ASAP3: variants seen among roughly 807,000 people sequenced by gnomAD.
ASAP3 encodes the protein ArfGAP with SH3 domain, ankyrin repeat and PH domain 3, also known as arf-GAP with SH3 domain, ANK repeat and PH domain-containing protein 3.
Under a neutral mutation model 118.2 loss-of-function variants are expected in ASAP3, and 85 were observed. The ratio of observed to expected loss-of-function variants is 0.72; its 90% confidence interval spans 0.60 to 0.86. The LOEUF (loss-of-function observed/expected upper bound fraction) is 0.86, where lower values mean the gene tolerates loss of function less well. Ranked by LOEUF, ASAP3 falls within the 40% of genes least tolerant of loss-of-function variation. The probability of loss-of-function intolerance (pLI) is 0.00; values close to 1 mark genes in which losing one functional copy is unlikely to be tolerated. For missense variants in ASAP3, 1,026 were observed against 1,175.0 expected, an observed-to-expected ratio of 0.87 and a Z score of 1.85; for synonymous variants, 432 against 477.4, an observed-to-expected ratio of 0.90 and a Z score of 1.24.
chr1:23,440,990 C>A, intron 10 of ASAP3, 112 bp downstream of exon 10: 2 of 979,534 alleles, frequency 2.0e-6, no homozygotes, highest in Non-Finnish European at 3.1e-6. Flanking sequence ...TACATTGCAA[C>A]CCTCGGTGTC....
chr1:23,431,349 T>A (rs909115874), intron 23 of ASAP3, among the ~76,000 whole-genome samples: 1 of 152,034 alleles, frequency 6.6e-6, no homozygotes, highest in South Asian at 2.1e-4. Flanking sequence ...CCAGACTGAA[T>A]GGGTTTGTAT....
At chr1:23,484,351 TCCGGCCCCGGTC>T (rs1030230407), upstream of ASAP3, 7 of 391,778 alleles carry the variant, frequency 1.8e-5, no homozygotes, top group African/African-American at 1.3e-4. Flanking sequence ...AGGTCCAGGC[TCCGGCCCCGGTC>T]CCGGCCCCGC....
At chr1:23,460,432 A>G (rs1451370618) in intron 1 of ASAP3, among the ~76,000 whole-genome samples, 4 of 145,530 alleles carry the variant, frequency 2.7e-5, no homozygotes, top group African/African-American at 1.0e-4. Context: ...ATTTGAACCT[A>G]GGAGGCGGAG....
Position 23,429,591 on chromosome 1 carries a change from G to A in ASAP3, c.*265C>T, listed in dbSNP as rs1640351115. The stretch of plus-strand genomic sequence containing the variant: ...AGTTCTGCAGCTGAAGCCAGCTCAG[G>A]AGCACTCAGATCCAGCCACAGGGCT... On this transcript the variant is annotated 3_prime_UTR_variant, in exon 25 of 25. Coordinates refer to ENST00000336689, the MANE Select transcript of ASAP3 (RefSeq NM_017707.4). 2.8e-6 allele frequency: 1 copy of A among 358,888 alleles called. No homozygotes were observed. The highest frequency in any genetic ancestry group is 2.1e-5 in the African/African-American group (1 of 47,460). The allele number at this position is 358,888 out of a possible 1,614,324, so 22.2% of individuals were successfully genotyped here. A position where few individuals can be genotyped will look rare whatever the true frequency, so the allele number is the denominator to read the frequency against.
rs1642401728 is a variant in ASAP3 at position 23,483,987 on chromosome 1, C to T, written c.129+18G>A. On this transcript the variant is annotated intron_variant, in intron 1 of 24. Coordinates refer to ENST00000336689, the MANE Select transcript of ASAP3 (RefSeq NM_017707.4). ...GCCCGGCGCCGACCCCCGACCCCTC[C>T]CGCCTCGGCCCCCTCACCTCCTCCC... is the stretch of plus-strand genomic sequence containing the variant. The T allele has an allele frequency of 7.8e-7, 1 of 1,277,758 alleles. No homozygotes were observed. Among genetic ancestry groups the T allele is most frequent in the East Asian group, 3.1e-5 (1 of 31,840 alleles). The allele number at this position is 1,277,758 out of a possible 1,614,324, so 79.2% of individuals were successfully genotyped here.
rs372549462 is a variant in ASAP3 at position 23,433,615 on chromosome 1, C to T, written c.2019+11G>A. The T allele has an allele frequency of 2.5e-5, 41 of 1,614,080 alleles. No homozygotes were observed. Among genetic ancestry groups the T allele is most frequent in the South Asian group, 3.3e-5 (3 of 91,086 alleles). On this transcript the variant is annotated intron_variant, in intron 20 of 24. Coordinates refer to ENST00000336689, the MANE Select transcript of ASAP3 (RefSeq NM_017707.4). The stretch of plus-strand genomic sequence containing the variant: ...AAGAGTCAGGGGCCCCTTGCCTCCC[C>T]GAGTCCTCACCAGCTCCTCACACTC...
chr1:23,449,452 A>G (rs1641146670), intron 5 of ASAP3, among the ~76,000 whole-genome samples: 1 of 152,180 alleles, frequency 6.6e-6, no homozygotes, highest in East Asian at 1.9e-4. Context: ...ATGAACAGCC[A>G]GGGGTGAAGC....
At chr1:23,439,704 A>T (rs527500865) in intron 10 of ASAP3, among the ~76,000 whole-genome samples, 2 of 151,808 alleles carry the variant, frequency 1.3e-5, no homozygotes, top group African/African-American at 4.9e-5. Flanking sequence ...TAACAGGTAA[A>T]TATTCATTGG....
At chr1:23,441,576 G>A in intron 8 of ASAP3, 79 bp downstream of exon 8, 1 of 1,600,650 alleles carries the variant, frequency 6.2e-7, no homozygotes, top group Non-Finnish European at 8.6e-7. Context: ...GTGGGCAGAA[G>A]CCAGCTCTTC....
intron 1 of ASAP3, among the ~76,000 whole-genome samples, chr1:23,474,078 C>T (rs2148660409): frequency 7.0e-6 from 1 of 142,248 alleles, no homozygotes; most frequent in Admixed American, 7.8e-5. Context: ...AGCAATTCTC[C>T]TGCCTCAGCC....
chr1:23,469,457 T>C (rs1022421959), intron 1 of ASAP3, among the ~76,000 whole-genome samples: 2 of 152,184 alleles, frequency 1.3e-5, no homozygotes, highest in Non-Finnish European at 2.9e-5. Flanking sequence ...TACTTGGTAA[T>C]TCTCAACATA....
intron 1 of ASAP3, among the ~76,000 whole-genome samples, chr1:23,481,307 A>C (rs1490335472): frequency 6.6e-6 from 1 of 152,236 alleles, no homozygotes; most frequent in African/African-American, 2.4e-5. Context: ...AACCAGTCAG[A>C]ACTGGAAGAC....
intron 17 of ASAP3, among the ~76,000 whole-genome samples, chr1:23,434,976 G>A (rs1640586063): frequency 6.6e-6 from 1 of 151,998 alleles, no homozygotes; most frequent in South Asian, 2.1e-4. Context: ...CCTAAGTGCT[G>A]CACTGCCCAT....
At position 23,436,390 on chromosome 1, in the gene ASAP3, T is replaced by C. The variant is rs1035823469; in HGVS notation, c.1571+170A>G. On this transcript the variant is annotated intron_variant, in intron 16 of 24. Transcript: ENST00000336689. This position sits in a 1 kb window ranked among gnomAD's most constrained non-coding sequence, Gnocchi z 4.2. ...CTTAGCCGGGCTGGTCTCAAATTCC[T>C]GACCTCAAGTGATCCGCCCGCCTTG... Among the ~76,000 whole-genome samples, 3 of 152,194 alleles carry C rather than the reference T, an allele frequency of 2.0e-5. No individual in the cohort carries two copies. Among genetic ancestry groups the C allele is most frequent in the African/African-American group, 7.2e-5 (3 of 41,452 alleles).
At position 23,443,504 on chromosome 1, in the gene ASAP3, A is replaced by C. The variant is rs1260983245; in HGVS notation, c.474-892T>G. On this transcript the variant is annotated intron_variant, in intron 5 of 24. Coordinates refer to ENST00000336689, the MANE Select transcript of ASAP3 (RefSeq NM_017707.4). The stretch of plus-strand genomic sequence containing the variant: ...ATTTCAAAGTGCTTTCATTCTTCTG[A>C]GCCCATGGAGCTTCATACTTAAAGC... Among the ~76,000 whole-genome samples the C allele has an allele frequency of 2.6e-5, 4 of 152,190 alleles. No individual in the cohort carries two copies. The East Asian group carries it at 7.7e-4, about 29-fold the overall frequency.
At chr1:23,456,853 G>A (rs1020184045) in intron 1 of ASAP3, among the ~76,000 whole-genome samples, 18 of 152,058 alleles carry the variant, frequency 1.2e-4, no homozygotes, top group Non-Finnish European at 2.5e-4. Flanking sequence ...AGAGGGTGGC[G>A]GGAGCACACT....
At chr1:23,475,038 G>T (rs1267115777) in intron 1 of ASAP3, among the ~76,000 whole-genome samples, 1 of 152,236 alleles carries the variant, frequency 6.6e-6, no homozygotes, top group Non-Finnish European at 1.5e-5. Context: ...TTGTGTGCCA[G>T]TCTGGCATCT....
chr1:23,431,695 C>A lies in ASAP3; in HGVS notation c.2546+1G>T, dbSNP rs945506469. The A allele has an allele frequency of 3.9e-6, 6 of 1,524,248 alleles. No homozygotes were observed. The highest frequency in any genetic ancestry group is 4.6e-5 in the Admixed American group (2 of 43,662). 94.4% of individuals were successfully genotyped at this position (1,524,248 alleles called of 1,614,324 possible). On this transcript the variant is annotated splice_donor_variant, in intron 23 of 24. Transcript: ENST00000336689. LOFTEE classifies it high-confidence loss of function. ...GGTTGCACAGCTGGGCCCTCACCAA[C>A]CTGAATCTGACGGGGAGGTACATCT...
At chr1:23,474,784 T>C (rs1461590663) in intron 1 of ASAP3, among the ~76,000 whole-genome samples, 3 of 152,122 alleles carry the variant, frequency 2.0e-5, no homozygotes, top group Non-Finnish European at 4.4e-5. Context: ...GGTTTCGCCA[T>C]GTTGGCCAGG....
Sources: allele counts gnomAD v4.1 joint callset (sites outside exome capture counted in the v4.1 genomes callset), GRCh38; gene constraint gnomAD v4.1.1; non-coding constraint Gnocchi (gnomAD v3.1); transcripts MANE v1.5; gene names NCBI Gene and HGNC (gene_info 2026-07-23, HGNC 2026-07-21).